Variants in ZNF267 observed in about 807,000 individuals in gnomAD.
The protein encoded by ZNF267 is zinc finger (C2H2).
Under a neutral mutation model 71.6 loss-of-function variants are expected in ZNF267, and 61 were observed. The observed-to-expected ratio is 0.85, with a 90% CI of 0.69 to 1.05. The LOEUF (loss-of-function observed/expected upper bound fraction) is 1.05, where lower values mean the gene tolerates loss of function less well. ZNF267 is among the 50% of genes least tolerant of loss of function. The pLI is 0.00. For missense variants in ZNF267, 852 were observed against 870.0 expected (o/e 0.98, Z 0.26); for synonymous variants, 288 against 293.2 (o/e 0.98, Z 0.18).
At chr16:31,873,992 C>G (rs777061361) in intron 1 of ZNF267, 23 bp downstream of exon 1, 3 of 1,607,560 alleles carry the variant, frequency 1.9e-6, no homozygotes, top group Non-Finnish European at 2.6e-6. Flanking sequence ...GGTCGGGGGT[C>G]CCCAGAGGGA....
chr16:31,875,121 G>A, intron 1 of ZNF267: 1 of 1,289,056 alleles, frequency 7.8e-7, no homozygotes, highest in Non-Finnish European at 1.0e-6. Context: ...AATGTCTTTT[G>A]ACTTGAGGTT....
At chr16:31,907,637 C>T (rs2084102083) in intron 3 of ZNF267, among the ~76,000 whole-genome samples, 1 of 152,104 alleles carries the variant, frequency 6.6e-6, no homozygotes, top group Non-Finnish European at 1.5e-5. Context: ...TTATGTGGCT[C>T]ATGCCTGTTA....
intron 3 of ZNF267, among the ~76,000 whole-genome samples, chr16:31,903,829 C>T (rs2084063254): frequency 6.6e-6 from 1 of 152,036 alleles, no homozygotes; most frequent in East Asian, 1.9e-4. Context: ...CTTCTGCTAG[C>T]TTTTGAATGT....
chr16:31,907,968 G>A (rs980715272), intron 3 of ZNF267, among the ~76,000 whole-genome samples: 2 of 151,872 alleles, frequency 1.3e-5, no homozygotes, highest in African/African-American at 2.4e-5. Context: ...GCCTGAACCC[G>A]GGAGGTGGAG....
chr16:31,897,232 T>TTCCA (rs1301010611), intron 3 of ZNF267, among the ~76,000 whole-genome samples: 1 of 151,554 alleles, frequency 6.6e-6, no homozygotes, highest in East Asian at 1.9e-4. Context: ...AATTTCATAA[T>TTCCA]TCCATTCACA....
chr16:31,901,453 C>G (rs2084040648), intron 3 of ZNF267, among the ~76,000 whole-genome samples: 1 of 152,166 alleles, frequency 6.6e-6, no homozygotes, highest in African/African-American at 2.4e-5. Context: ...CACATCCTCT[C>G]CAGCACTTGT....
At chr16:31,904,068 T>C (rs2084065935) in intron 3 of ZNF267, among the ~76,000 whole-genome samples, 1 of 152,228 alleles carries the variant, frequency 6.6e-6, no homozygotes. Flanking sequence ...CAGGAGCAGG[T>C]TGTTCAGTTT....
At position 31,915,868 on chromosome 16, in the gene ZNF267, G is replaced by T. The variant is rs1364198091; in HGVS notation, c.1619G>T (p.Arg540Ile). The T allele has an allele frequency of 2.5e-6, 4 of 1,613,774 alleles. No homozygotes were observed. Among genetic ancestry groups the T allele is most frequent in the Non-Finnish European group, 3.4e-6 (4 of 1,180,012 alleles). Reference protein sequence around the residue: ...TCFSNLIVHERIHTGEKPYKC... With the variant: ...TCFSNLIVHEIIHTGEKPYKC... ...TTCTCAAATCTTATTGTGCATGAGA[G>T]AATTCATACTGGAGAGAAACCCTAT... Residue 540 changes from arginine (R) to isoleucine (I), a missense_variant, in exon 4 of 4, where the codon AGA becomes ATA. Arg to Ile is a moderately conservative substitution (Grantham distance 97). Transcript: ENST00000300870.
intron 3 of ZNF267, among the ~76,000 whole-genome samples, chr16:31,895,425 A>G (rs1311380307): frequency 6.6e-6 from 1 of 152,218 alleles, no homozygotes; most frequent in African/African-American, 2.4e-5. Flanking sequence ...TGCAATAAAC[A>G]TGGGAATGCA....
At chr16:31,884,940 T>A (rs1231204885) in intron 2 of ZNF267, among the ~76,000 whole-genome samples, 12 of 152,150 alleles carry the variant, frequency 7.9e-5, no homozygotes, top group African/African-American at 1.9e-4. Context: ...AAGCTCAGGA[T>A]CCCCAGATTT....
intron 1 of ZNF267, chr16:31,875,210 T>C (rs2083843676): frequency 1.6e-6 from 2 of 1,289,080 alleles, no homozygotes; most frequent in Non-Finnish European, 2.0e-6. Context: ...CAGAACTGTC[T>C]GGGATGACTC....
intron 3 of ZNF267, among the ~76,000 whole-genome samples, chr16:31,905,154 A>C (rs1454569562): frequency 1.3e-5 from 2 of 152,166 alleles, no homozygotes; most frequent in Non-Finnish European, 2.9e-5. Context: ...CCAAGAGATC[A>C]GCTGTTAGTC....
rs2083831739 is a variant in ZNF267, at chr16:31,873,873, C to T, written c.-94C>T. 1.9e-6 allele frequency: 3 copies of T among 1,565,424 alleles called. 1 individual carries two copies. The highest frequency in any genetic ancestry group is 8.8e-7 in the Non-Finnish European group (1 of 1,136,414). On this transcript the variant is annotated 5_prime_UTR_variant, in exon 1 of 4. Coordinates refer to ENST00000300870, the MANE Select transcript of ZNF267 (RefSeq NM_003414.6). ...GTTCTGGGAGGCCCAGGCGGCTTCGCGTTCTGAGAATAAACAGAACCTCTG... is the reference window on the plus strand; with the variant it reads ...GTTCTGGGAGGCCCAGGCGGCTTCGTGTTCTGAGAATAAACAGAACCTCTG...
intron 3 of ZNF267, among the ~76,000 whole-genome samples, chr16:31,898,105 T>G (rs1398181469): frequency 1.3e-5 from 2 of 152,158 alleles, no homozygotes; most frequent in East Asian, 3.8e-4. Context: ...GCTAGCTACT[T>G]GCTTCAATTC....
At chr16:31,882,796 G>A (rs1470817894) in intron 1 of ZNF267, among the ~76,000 whole-genome samples, 2 of 152,164 alleles carry the variant, frequency 1.3e-5, no homozygotes, top group Non-Finnish European at 2.9e-5. Flanking sequence ...TATTACAGAC[G>A]ATGCTAACTT....
In ZNF267 at chr16:31,916,629, A is replaced by C; in HGVS notation, c.*148A>C. ...AGCCTTACACAATAGCAGAGAATAT[A>C]AACTGAAAAAATCCATACAAATATT... On this transcript the variant is annotated 3_prime_UTR_variant, in exon 4 of 4. Transcript: ENST00000300870. The C allele has an allele frequency of 1.2e-6, 1 of 809,702 alleles. No individual in the cohort carries two copies. The highest frequency in any genetic ancestry group is 1.9e-6 in the Non-Finnish European group (1 of 532,380). The allele number at this position is 809,702 out of a possible 1,614,324, so 50.2% of individuals were successfully genotyped here.
At chr16:31,906,013 T>G (rs1406739121) in intron 3 of ZNF267, among the ~76,000 whole-genome samples, 1 of 152,222 alleles carries the variant, frequency 6.6e-6, no homozygotes, top group Admixed American at 6.5e-5. Flanking sequence ...GTCAGGAACC[T>G]CAGCTGCAGG....
intron 1 of ZNF267, among the ~76,000 whole-genome samples, chr16:31,880,914 A>G (rs2083885326): frequency 6.6e-6 from 1 of 152,138 alleles, no homozygotes; most frequent in South Asian, 2.1e-4. Context: ...TCTAAAGCAG[A>G]CGGATAATGG....
rs1342755536 is a variant in ZNF267 at position 31,914,711 on chromosome 16, T to G, written c.462T>G (p.Ser154=). 6.2e-7 allele frequency: 1 copy of G among 1,614,162 alleles called. No individual in the cohort carries two copies. Among genetic ancestry groups the G allele is most frequent in the South Asian group, 1.1e-5 (1 of 91,092 alleles). Residue 154 remains serine, a synonymous_variant, in exon 4 of 4, where the codon TCT becomes TCG. Transcript: ENST00000300870. ...VESLFHQQIL[S]SCAKSYNFDQ... ...GTTTGTTTCACCAGCAAATACTTTC[T>G]TCTTGTGCCAAAAGCTATAACTTTG...
Sources: allele counts gnomAD v4.1 joint callset (sites outside exome capture counted in the v4.1 genomes callset), GRCh38; gene constraint gnomAD v4.1.1; transcripts MANE v1.5; gene names NCBI Gene and HGNC (gene_info 2026-07-23, HGNC 2026-07-21).